The following NPAS3 variants were observed in gnomAD, a reference collection of about 807,000 sequenced individuals.
NPAS3 encodes the protein neuronal PAS domain protein 3.
NPAS3 carries 14 observed loss-of-function variants against 73.1 expected under a neutral mutation model. The observed-to-expected ratio is 0.19, with a 90% CI of 0.13 to 0.30. The LOEUF (loss-of-function observed/expected upper bound fraction) is 0.30, where lower values mean the gene tolerates loss of function less well. NPAS3 is among the 10% of genes least tolerant of loss of function. The probability of loss-of-function intolerance (pLI) is 1.00; values close to 1 mark genes in which losing one functional copy is unlikely to be tolerated. For missense variants in NPAS3, 1,096 were observed against 1,250.0 expected, an observed-to-expected ratio of 0.88 and a Z score of 1.86; for synonymous variants, 620 against 541.5, an observed-to-expected ratio of 1.14 and a Z score of -2.01.
intron 4 of NPAS3, among the ~76,000 whole-genome samples, chr14:33,428,237 A>G (rs923109453): frequency 6.6e-6 from 1 of 152,130 alleles, no homozygotes; most frequent in Non-Finnish European, 1.5e-5. Flanking sequence ...CTGTGTGACC[A>G]TGGACACATT....
rs1280716729 is a variant in NPAS3, at chr14:33,308,525, T to TAC, written c.386-58660_386-58659insCA. 5.3e-3 allele frequency among the ~76,000 whole-genome samples: 438 copies of TAC among 82,230 alleles called. 5 individuals carry two copies. The highest frequency in any genetic ancestry group is 0.018 in the African/African-American group (353 of 20,034). 53.9% of individuals were successfully genotyped at this position (82,230 alleles called of 152,430 possible). A position where few individuals can be genotyped will look rare whatever the true frequency, so the allele number is the denominator to read the frequency against. On this transcript the variant is annotated intron_variant, in intron 3 of 11. Coordinates refer to ENST00000356141, the Ensembl canonical transcript of NPAS3. ...ATTGCATAGTTTATATATATATATA[T>TAC]ATACATACACACACACACACACACA...
chr14:33,755,912 T>C (rs1276226895), intron 7 of NPAS3, among the ~76,000 whole-genome samples: 1 of 151,702 alleles, frequency 6.6e-6, no homozygotes, highest in Non-Finnish European at 1.5e-5. Context: ...CAGTGGGAGG[T>C]GCCAGGTCTT....
intron 9 of NPAS3, among the ~76,000 whole-genome samples, chr14:33,786,173 G>A (rs1298462282): frequency 1.3e-5 from 2 of 152,190 alleles, no homozygotes; most frequent in African/African-American, 2.4e-5. Flanking sequence ...TCAGACTTTT[G>A]TTATCCAGAA....
intron 4 of NPAS3, among the ~76,000 whole-genome samples, chr14:33,407,701 C>A (rs1302896012): frequency 2.0e-5 from 3 of 152,046 alleles, no homozygotes; most frequent in Non-Finnish European, 4.4e-5. Context: ...GTTTTCCCCA[C>A]CTTCTCATTT....
chr14:33,327,283 C>T lies in NPAS3; in HGVS notation c.386-39903C>T, dbSNP rs113701584. ...TATTGAGTGCATGCTATGTACGACA[C>T]GCTGTGCTAAAAGTTGTATGTACGT... On this transcript the variant is annotated intron_variant, in intron 3 of 11. Transcript: ENST00000356141. 4.6e-3 allele frequency among the ~76,000 whole-genome samples: 696 copies of T among 152,288 alleles called. 4 individuals carry two copies. The highest frequency in any genetic ancestry group is 0.016 in the African/African-American group (658 of 41,542).
Position 33,800,150 on chromosome 14 carries a change from C to T in NPAS3, c.1843C>T (p.Arg615Trp). 2 of 1,596,738 alleles carry T rather than the reference C, an allele frequency of 1.3e-6. No individual in the cohort carries two copies. The highest frequency in any genetic ancestry group is 1.7e-6 in the Non-Finnish European group (2 of 1,172,744). Residue 615 changes from arginine (R) to tryptophan (W), a missense_variant, in exon 12 of 12, where the codon CGG becomes TGG. Physicochemically the swap from Arg to Trp is moderately radical, Grantham distance 101. Around this residue, in one of 5 missense-constraint regions of NPAS3, gnomAD observed 698 missense variants for 676.7 expected, o/e 1.03. Coordinates refer to ENST00000356141, the Ensembl canonical transcript of NPAS3. This position sits in a 1 kb window ranked among gnomAD's most constrained non-coding sequence, Gnocchi z 6.5. Reference sequence around the variant, plus strand: ...GCAAAAGGGCGGCAGCGCCAGCCGCCGGCGCCTGTCCAGCGCGTCGAGCCC... The same window carrying T: ...GCAAAAGGGCGGCAGCGCCAGCCGCTGGCGCCTGTCCAGCGCGTCGAGCCC...
intron 4 of NPAS3, among the ~76,000 whole-genome samples, chr14:33,539,853 G>A: frequency 6.6e-6 from 1 of 152,036 alleles, no homozygotes; most frequent in East Asian, 1.9e-4. Context: ...TCTTTGTTTG[G>A]TTGCTTGTTT....
At chr14:33,177,416 G>T (rs1381379528) in intron 2 of NPAS3, among the ~76,000 whole-genome samples, 1 of 151,842 alleles carries the variant, frequency 6.6e-6, no homozygotes, top group Non-Finnish European at 1.5e-5. Flanking sequence ...CAATATTATA[G>T]TCTTATCTAA....
intron 3 of NPAS3, among the ~76,000 whole-genome samples, chr14:33,360,957 C>G (rs1056562201): frequency 6.6e-6 from 1 of 152,072 alleles, no homozygotes; most frequent in Non-Finnish European, 1.5e-5. Context: ...CTCCAAACAG[C>G]AGCTTAACCC....
At chr14:33,007,401 CA>C (rs763508010) in intron 1 of NPAS3, among the ~76,000 whole-genome samples, 1 of 152,136 alleles carries the variant, frequency 6.6e-6, no homozygotes, top group Non-Finnish European at 1.5e-5. Context: ...TATATGTTTT[CA>C]AAATGGTGAC....
chr14:33,562,234 G>C (rs1365243403), intron 5 of NPAS3, among the ~76,000 whole-genome samples: 2 of 152,188 alleles, frequency 1.3e-5, no homozygotes, highest in Non-Finnish European at 2.9e-5. Context: ...AGTAAAATCT[G>C]AGACAAATAA....
At chr14:33,545,422 T>A (rs2139665242) in intron 4 of NPAS3, among the ~76,000 whole-genome samples, 1 of 152,346 alleles carries the variant, frequency 6.6e-6, no homozygotes, top group South Asian at 2.1e-4. Flanking sequence ...TTTACGTGTG[T>A]TAACTCCAAT....
chr14:33,503,454 A>T (rs1715735476), intron 4 of NPAS3, among the ~76,000 whole-genome samples: 1 of 151,960 alleles, frequency 6.6e-6, no homozygotes, highest in Admixed American at 6.6e-5. Flanking sequence ...TCAGAAAAGA[A>T]AATAGCAAGA....
chr14:32,995,250 T>C (rs967026134), intron 1 of NPAS3, among the ~76,000 whole-genome samples: 1 of 152,232 alleles, frequency 6.6e-6, no homozygotes, highest in African/African-American at 2.4e-5. Context: ...TCCTTCTTGT[T>C]CTGTAACCTA....
intron 5 of NPAS3, among the ~76,000 whole-genome samples, chr14:33,660,557 A>G (rs953691505): frequency 1.3e-5 from 2 of 152,226 alleles, no homozygotes; most frequent in East Asian, 1.9e-4. Flanking sequence ...AATCAGATTA[A>G]AAACACAAAT....
chr14:33,314,409 C>G (rs1429111479), intron 3 of NPAS3, among the ~76,000 whole-genome samples: 1 of 151,892 alleles, frequency 6.6e-6, no homozygotes, highest in African/African-American at 2.4e-5. Flanking sequence ...AAGTATTTGA[C>G]CTTCAGTTGG....
intron 1 of NPAS3, among the ~76,000 whole-genome samples, chr14:32,987,389 C>T (rs190662165): frequency 1.0e-3 from 155 of 151,876 alleles, no homozygotes; most frequent in Middle Eastern, 6.8e-3. Context: ...GAATGCTCAG[C>T]CCAGTCCTGC....
chr14:33,229,745 C>G (rs2139763660), intron 3 of NPAS3, among the ~76,000 whole-genome samples: 1 of 152,150 alleles, frequency 6.6e-6, no homozygotes, highest in South Asian at 2.1e-4. Context: ...AGAGAGTGCC[C>G]AGACCAACCC....
At chr14:33,448,244 G>A (rs974868142) in intron 4 of NPAS3, among the ~76,000 whole-genome samples, 1 of 152,194 alleles carries the variant, frequency 6.6e-6, no homozygotes, top group African/African-American at 2.4e-5. Flanking sequence ...TAAAAGTCAT[G>A]CACTTGGATG....
Sources: allele counts gnomAD v4.1 joint callset (sites outside exome capture counted in the v4.1 genomes callset), GRCh38; gene constraint gnomAD v4.1.1; regional missense constraint gnomAD v4.1.1; non-coding constraint Gnocchi (gnomAD v3.1); transcripts MANE v1.5; gene names NCBI Gene and HGNC (gene_info 2026-07-23, HGNC 2026-07-21).